Variants in PDGFB observed in about 807,000 individuals in gnomAD.
PDGFB encodes platelet-derived growth factor subunit B.
In PDGFB, 6 loss-of-function variants were observed where a neutral mutation model predicts 29.0. The observed-to-expected ratio is 0.21, with a 90% CI of 0.11 to 0.41. The LOEUF (loss-of-function observed/expected upper bound fraction) is 0.41, where lower values mean the gene tolerates loss of function less well. PDGFB is among the 10% of genes least tolerant of loss of function. PDGFB has a pLI of 1.00. For missense variants in PDGFB, 299 were observed against 341.8 expected (o/e 0.87, Z 0.99); for synonymous variants, 144 against 140.8 (o/e 1.02, Z -0.16).
Position 39,225,828 on chromosome 22 carries a change from C to T in PDGFB, c.621G>A (p.Arg207=), listed in dbSNP as rs1229722901. The T allele has an allele frequency of 6.2e-7, 1 of 1,613,144 alleles. No individual in the cohort carries two copies. The highest frequency in any genetic ancestry group is 1.1e-5 in the South Asian group (1 of 91,024). Residue 207 remains arginine (R), a synonymous_variant, in exon 6 of 7, where the codon CGG becomes CGA. Transcript: ENST00000331163. ...QEQRAKTPQT[R]VTIRTVRVRR... is the part of the protein sequence containing the mutation. ...GGACTCGCACCGTCCGAATGGTCACCCGAGTTTGGGGCGTTTTGGCTGCAC... is the reference window on the plus strand; with the variant it reads ...GGACTCGCACCGTCCGAATGGTCACTCGAGTTTGGGGCGTTTTGGCTGCAC...
chr22:39,235,868 G>T lies in PDGFB; in HGVS notation c.70C>A (p.Pro24Thr). 6 of 1,612,778 alleles carry T rather than the reference G, an allele frequency of 3.7e-6. No homozygotes were observed. Among genetic ancestry groups the T allele is most frequent in the Non-Finnish European group, 5.1e-6 (6 of 1,179,096 alleles). The change falls in exon 2 of 7, where the codon CCC becomes ACC. Residue 24 changes from proline (P) to threonine (T), a missense_variant. By Grantham distance (38) the Pro-to-Thr change is conservative. Coordinates refer to ENST00000331163, the MANE Select transcript of PDGFB (RefSeq NM_002608.4). ...YLRLVSAEGDPIPEELYEMLS... is the reference protein window; with the variant it reads ...YLRLVSAEGDTIPEELYEMLS... Reference sequence around the variant, plus strand: ...ATCTCATAAAGCTCCTCGGGAATGGGGTCCCCCTGCCGGGCAGACACCAAA... The same window carrying T: ...ATCTCATAAAGCTCCTCGGGAATGGTGTCCCCCTGCCGGGCAGACACCAAA...
At chr22:39,232,124 C>T (rs752029417) in intron 3 of PDGFB, among the ~76,000 whole-genome samples, 22 of 152,218 alleles carry the variant, frequency 1.4e-4, no homozygotes, top group Non-Finnish European at 2.8e-4. Context: ...AGTAAATGTC[C>T]GCTTCCCTCT....
rs1380186120 is a variant in PDGFB at position 39,242,478 on chromosome 22, G to A, written c.63+1423C>T. On this transcript the variant is annotated intron_variant, in intron 1 of 6. Transcript: ENST00000331163. This position sits in a 1 kb window ranked among gnomAD's most constrained non-coding sequence, Gnocchi z 5.7. The stretch of plus-strand genomic sequence containing the variant: ...GCTGGCCGCGGCCCGGGGGGCTGCG[G>A]GAGAGGCGGAGAGGGGGCGTCGGGA... Among the ~76,000 whole-genome samples the A allele has an allele frequency of 6.7e-6, 1 of 150,316 alleles. No individual in the cohort carries two copies. The highest frequency in any genetic ancestry group is 1.5e-5 in the Non-Finnish European group (1 of 67,324).
In PDGFB at chr22:39,233,522, C is replaced by T. The variant is rs1932364239; in HGVS notation, c.163G>A (p.Glu55Lys). The T allele has an allele frequency of 6.3e-7, 1 of 1,586,062 alleles. No homozygotes were observed. Among genetic ancestry groups the T allele is most frequent in the South Asian group, 1.2e-5 (1 of 86,806 alleles). The change falls in exon 3 of 7, where the codon GAA becomes AAA. Residue 55 changes from glutamate (E) to lysine (K), a missense_variant and splice_region_variant. Coordinates refer to ENST00000331163, the MANE Select transcript of PDGFB (RefSeq NM_002608.4). Reference sequence around the variant, plus strand: ...TTCAGGTCCAACTCGGCCCCATCTTCCTCTGCAGGAGAAGTCACAGTCAGA... The same window carrying T: ...TTCAGGTCCAACTCGGCCCCATCTTTCTCTGCAGGAGAAGTCACAGTCAGA... ...QRLLHGDPGE[E>K]DGAELDLNMT...
rs1382376734 is a variant in PDGFB at position 39,223,930 on chromosome 22, A to T, written c.*1412T>A. 2 of 152,138 alleles carry T rather than the reference A, an allele frequency of 1.3e-5. No individual in the cohort carries two copies. The highest frequency in any genetic ancestry group is 2.9e-5 in the Non-Finnish European group (2 of 67,990). The allele number at this position is 152,138 out of a possible 1,614,324, so 9.4% of individuals were successfully genotyped here. On this transcript the variant is annotated 3_prime_UTR_variant, in exon 7 of 7. Coordinates refer to ENST00000331163, the MANE Select transcript of PDGFB (RefSeq NM_002608.4). ...TTCTCTCCCCCATTCCCAGCCCACG[A>T]GCTGGTTTCCTAGGAGGAGCCACCA...
intron 1 of PDGFB, among the ~76,000 whole-genome samples, chr22:39,238,410 C>T (rs1932494831): frequency 6.6e-6 from 1 of 151,908 alleles, no homozygotes. Context: ...GGTAATGTGG[C>T]CACTAGATGC....
intron 4 of PDGFB, among the ~76,000 whole-genome samples, 174 bp from the exon 5 acceptor site, chr22:39,230,402 C>T (rs1375479475): frequency 6.6e-6 from 1 of 152,250 alleles, no homozygotes; most frequent in Admixed American, 6.5e-5. Flanking sequence ...GGACCTTGAC[C>T]TCTGCCCTTC....
intron 5 of PDGFB, among the ~76,000 whole-genome samples, chr22:39,226,486 C>G (rs528153679): frequency 1.3e-5 from 2 of 152,088 alleles, no homozygotes; most frequent in Non-Finnish European, 2.9e-5. Flanking sequence ...CAGCTGTCCC[C>G]GTTGAGTCTC....
chr22:39,234,312 A>G (rs541105820), intron 2 of PDGFB, among the ~76,000 whole-genome samples: 2 of 152,204 alleles, frequency 1.3e-5, no homozygotes, highest in African/African-American at 2.4e-5. Flanking sequence ...CCTTGGAGAC[A>G]TCGGTCCTTT....
intron 1 of PDGFB, chr22:39,240,921 GCACACACACA>G: frequency 8.1e-7 from 1 of 1,232,176 alleles, no homozygotes; most frequent in Non-Finnish European, 1.2e-6. Flanking sequence ...TCTCAGATGC[GCACACACACA>G]CACACACACA....
rs760055469 is a variant in PDGFB, at chr22:39,231,870, A to G, written c.251-43T>C. ...CTGGGTCAGGAGCGTAGGCCTGTCC[A>G]GAGTCCCCCCACTTGGCAGGGGAGC... On this transcript the variant is annotated intron_variant, in intron 3 of 6. Transcript: ENST00000331163. This position sits in a 1 kb window ranked among gnomAD's most constrained non-coding sequence, Gnocchi z 4.3. 1.3e-5 allele frequency: 21 copies of G among 1,558,864 alleles called. No individual in the cohort carries two copies. In the African/African-American group the frequency reaches 1.6e-4, roughly 12 times the overall value.
chr22:39,241,282 G>A (rs1932563406), intron 1 of PDGFB, among the ~76,000 whole-genome samples: 1 of 152,096 alleles, frequency 6.6e-6, no homozygotes, highest in African/African-American at 2.4e-5. Flanking sequence ...GTCCGAGCAC[G>A]ACCAGGACGT....
intron 3 of PDGFB, among the ~76,000 whole-genome samples, chr22:39,232,757 G>C (rs1932340777): frequency 6.6e-6 from 1 of 152,094 alleles, no homozygotes; most frequent in Non-Finnish European, 1.5e-5. Context: ...CAAAGTGCTA[G>C]GATTACAGGC....
In PDGFB at chr22:39,243,843, G is replaced by A; in HGVS notation, c.63+58C>T. ...CTGCAGGGAGAGGAGGGGGCGGTCAGAAGGGGGGGGCGAAGGTAATGAATG... is the reference window on the plus strand; with the variant it reads ...CTGCAGGGAGAGGAGGGGGCGGTCAAAAGGGGGGGGCGAAGGTAATGAATG... On this transcript the variant is annotated intron_variant, in intron 1 of 6. Coordinates refer to ENST00000331163, the MANE Select transcript of PDGFB (RefSeq NM_002608.4). The surrounding 1 kb of genome is among the most constrained non-coding windows in gnomAD (Gnocchi z 6.4). The A allele has an allele frequency of 7.0e-7, 1 of 1,419,988 alleles. No individual in the cohort carries two copies. The highest frequency in any genetic ancestry group is 1.2e-5 in the South Asian group (1 of 81,188). 88.0% of individuals were successfully genotyped at this position (1,419,988 alleles called of 1,614,324 possible). A position where few individuals can be genotyped will look rare whatever the true frequency, so the allele number is the denominator to read the frequency against.
Position 39,231,918 on chromosome 22 carries a change from C to T in PDGFB, c.251-91G>A, listed in dbSNP as rs577290163. 456 of 1,043,432 alleles carry T rather than the reference C, an allele frequency of 4.4e-4. 8 individuals are homozygous for T. In the South Asian group the frequency reaches 6.7e-3, roughly 15 times the overall value. The allele number at this position is 1,043,432 out of a possible 1,614,324, so 64.6% of individuals were successfully genotyped here. ...AGCTCAGCGGGTGCCTCCGGGACTGCTCTTTCTCACGCCCTTCAACCCCAG... is the reference window on the plus strand; with the variant it reads ...AGCTCAGCGGGTGCCTCCGGGACTGTTCTTTCTCACGCCCTTCAACCCCAG... On this transcript the variant is annotated intron_variant, in intron 3 of 6. Coordinates refer to ENST00000331163, the MANE Select transcript of PDGFB (RefSeq NM_002608.4). The surrounding 1 kb of genome is among the most constrained non-coding windows in gnomAD (Gnocchi z 4.3).
At chr22:39,229,967 C>G (rs1932256851) in intron 5 of PDGFB, 117 bp downstream of exon 5, 1 of 1,195,404 alleles carries the variant, frequency 8.4e-7, no homozygotes, top group Middle Eastern at 3.0e-4. Context: ...GAAAAGAAAG[C>G]CTCCCGTGAA....
Position 39,243,204 on chromosome 22 carries a change from A to C in PDGFB, c.63+697T>G, listed in dbSNP as rs899646807. 6.6e-6 allele frequency among the ~76,000 whole-genome samples: 1 copy of C among 150,942 alleles called. No individual in the cohort carries two copies. The highest frequency in any genetic ancestry group is 2.5e-5 in the African/African-American group (1 of 40,788). ...CCCCCTACCCGAGTGCCCGAAACCT[A>C]CCTGCGTCTCTATCTTTCTCTCCCT... On this transcript the variant is annotated intron_variant, in intron 1 of 6. Transcript: ENST00000331163. This position sits in a 1 kb window ranked among gnomAD's most constrained non-coding sequence, Gnocchi z 6.4.
chr22:39,240,703 G>A (rs1211435508), intron 1 of PDGFB: 4 of 852,014 alleles, frequency 4.7e-6, no homozygotes, highest in Non-Finnish European at 8.0e-6. Context: ...TTCTAAAAGT[G>A]GGGACCAGGA....
chr22:39,227,864 C>G (rs1472717028), intron 5 of PDGFB, among the ~76,000 whole-genome samples: 1 of 152,216 alleles, frequency 6.6e-6, no homozygotes, highest in South Asian at 2.1e-4. Context: ...CGAGGCAGCT[C>G]TCCCATCTCT....
Sources: allele counts gnomAD v4.1 joint callset (sites outside exome capture counted in the v4.1 genomes callset), GRCh38; gene constraint gnomAD v4.1.1; non-coding constraint Gnocchi (gnomAD v3.1); transcripts MANE v1.5; gene names NCBI Gene and HGNC (gene_info 2026-07-23, HGNC 2026-07-21).